The following EYS variants were observed in gnomAD, a reference collection of about 807,000 sequenced individuals.
EYS encodes the protein protein eyes shut homolog.
A neutral mutation model predicts 282.1 loss-of-function variants in EYS; 250 were observed. That is an observed-to-expected ratio of 0.89 (90% CI 0.80 to 0.98). The LOEUF is 0.98. EYS is among the 50% of genes least tolerant of loss of function. The probability of loss-of-function intolerance (pLI) is 0.00; values close to 1 mark genes in which losing one functional copy is unlikely to be tolerated. For synonymous variants in EYS, 1,355 were observed against 1,282.9 expected (o/e 1.06, Z -1.20); for missense variants, 4,016 against 3,709.0 (o/e 1.08, Z -2.15).
intron 28 of EYS, among the ~76,000 whole-genome samples, chr6:64,400,111 G>A (rs1016562701): frequency 6.6e-6 from 1 of 151,920 alleles, no homozygotes; most frequent in African/African-American, 2.4e-5. Context: ...ATTATTTATA[G>A]ATATATTGCA....
chr6:64,585,774 T>C (rs1766215905), intron 26 of EYS, among the ~76,000 whole-genome samples: 1 of 152,130 alleles, frequency 6.6e-6, no homozygotes, highest in Non-Finnish European at 1.5e-5. Context: ...CTTATTGCCC[T>C]TTCTATTCAA....
chr6:65,081,524 A>C (rs1774229915), intron 12 of EYS, among the ~76,000 whole-genome samples: 1 of 152,108 alleles, frequency 6.6e-6, no homozygotes, highest in Admixed American at 6.6e-5. Flanking sequence ...TATTTAAAGA[A>C]ATCATTCAAC....
intron 10 of EYS, among the ~76,000 whole-genome samples, chr6:65,341,152 T>C (rs1176207395): frequency 6.6e-6 from 1 of 151,200 alleles, no homozygotes; most frequent in Non-Finnish European, 1.5e-5. Context: ...TCAAGTGTTC[T>C]AAATAAGCGA....
At chr6:64,690,271 C>T (rs556802296) in intron 22 of EYS, among the ~76,000 whole-genome samples, 56 of 152,152 alleles carry the variant, frequency 3.7e-4, no homozygotes, top group African/African-American at 6.0e-4. Context: ...ATCAAAACCA[C>T]GACGAGATAC....
intron 2 of EYS, among the ~76,000 whole-genome samples, chr6:65,503,973 T>C (rs1243539318): frequency 6.6e-6 from 1 of 151,726 alleles, no homozygotes; most frequent in African/African-American, 2.4e-5. Flanking sequence ...ATAACCAGGG[T>C]GCCAATTTTG....
At chr6:64,655,230 G>C (rs1768703689) in intron 22 of EYS, among the ~76,000 whole-genome samples, 1 of 152,046 alleles carries the variant, frequency 6.6e-6, no homozygotes, top group African/African-American at 2.4e-5. Flanking sequence ...GTTACATTAA[G>C]ACCTACAAGA....
intron 1 of EYS, among the ~76,000 whole-genome samples, chr6:65,705,449 G>C (rs1333692777): frequency 1.3e-5 from 2 of 152,178 alleles, no homozygotes; most frequent in East Asian, 3.8e-4. Flanking sequence ...TACAGAAGGG[G>C]AAAGTGGAAC....
intron 31 of EYS, among the ~76,000 whole-genome samples, chr6:64,088,506 A>C (rs148483840): frequency 6.9e-4 from 105 of 152,162 alleles, no homozygotes; most frequent in African/African-American, 2.4e-3. Context: ...GGAACATCTA[A>C]TAAATCAAGA....
intron 2 of EYS, among the ~76,000 whole-genome samples, chr6:65,530,206 A>G (rs1437477370): frequency 6.6e-6 from 1 of 152,146 alleles, no homozygotes; most frequent in African/African-American, 2.4e-5. Flanking sequence ...AAATGGGAAG[A>G]TATTCCCAAT....
intron 5 of EYS, among the ~76,000 whole-genome samples, chr6:65,447,419 G>A (rs1768715055): frequency 1.4e-5 from 2 of 147,434 alleles, no homozygotes; most frequent in African/African-American, 4.9e-5. Context: ...TAAATTTACT[G>A]TACTGAGTCA....
At chr6:65,120,167 C>CAA (rs1448265867) in intron 12 of EYS, among the ~76,000 whole-genome samples, 2 of 126,022 alleles carry the variant, frequency 1.6e-5, no homozygotes, top group East Asian at 4.3e-4. Context: ...AAAAAAAAAA[C>CAA]AAAAACAAAT....
chr6:64,792,516 G>T (rs1193019178), intron 22 of EYS, among the ~76,000 whole-genome samples: 4 of 151,968 alleles, frequency 2.6e-5, no homozygotes, highest in Admixed American at 2.6e-4. Context: ...GTACCAAGCT[G>T]TGAAGAGTTA....
In EYS at chr6:63,720,639, CCTT is replaced by C. The variant is rs1481556651; in HGVS notation, c.9389_9391del (p.Glu3130del). ...TTCATCTCCATCATAAACATTGTAT[CCTT>C]CTAATTTAATTAGTTCAATGTTTTT... is the stretch of plus-strand genomic sequence containing the variant. On this transcript the variant is annotated inframe_deletion, in exon 43 of 43. Transcript: ENST00000503581. 15 of 1,521,294 alleles carry C rather than the reference CCTT, an allele frequency of 9.9e-6. No individual in the cohort carries two copies. Among genetic ancestry groups the C allele is most frequent in the Admixed American group, 2.1e-5 (1 of 46,746 alleles). The allele number at this position is 1,521,294 out of a possible 1,614,324, so 94.2% of individuals were successfully genotyped here. A position where few individuals can be genotyped will look rare whatever the true frequency, so the allele number is the denominator to read the frequency against.
chr6:65,055,950 C>G (rs1773399782), intron 13 of EYS, among the ~76,000 whole-genome samples: 1 of 152,050 alleles, frequency 6.6e-6, no homozygotes, highest in South Asian at 2.1e-4. Context: ...AAGCCAGTCA[C>G]TATCTGCTGT....
At chr6:63,860,799 T>G (rs887202899) in intron 36 of EYS, among the ~76,000 whole-genome samples, 18 of 152,150 alleles carry the variant, frequency 1.2e-4, no homozygotes, top group Admixed American at 5.2e-4. Context: ...GAGAGGAGTG[T>G]TTGTCAGGGT....
intron 13 of EYS, among the ~76,000 whole-genome samples, chr6:65,029,602 A>C (rs1236445053): frequency 6.6e-6 from 1 of 152,012 alleles, no homozygotes; most frequent in African/African-American, 2.4e-5. Flanking sequence ...CCAAGACAGC[A>C]AGACCAACCT....
intron 5 of EYS, among the ~76,000 whole-genome samples, chr6:65,424,055 G>T (rs1767570843): frequency 6.6e-6 from 1 of 151,714 alleles, no homozygotes; most frequent in Non-Finnish European, 1.5e-5. Flanking sequence ...TTCCTTCCAG[G>T]TTTCTAAGGT....
chr6:64,230,457 T>G, intron 31 of EYS, 135 bp downstream of exon 31: 1 of 514,410 alleles, frequency 1.9e-6, no homozygotes, highest in Non-Finnish European at 3.3e-6. Context: ...CAGAATTCAT[T>G]TTTAAATAAA....
chr6:65,387,470 C>T (rs1172163293), intron 7 of EYS, among the ~76,000 whole-genome samples: 2 of 150,062 alleles, frequency 1.3e-5, no homozygotes, highest in African/African-American at 2.4e-5. Flanking sequence ...TAAGAAAAGC[C>T]CATAAATTTA....
Sources: allele counts gnomAD v4.1 joint callset (sites outside exome capture counted in the v4.1 genomes callset), GRCh38; gene constraint gnomAD v4.1.1; transcripts MANE v1.5; gene names NCBI Gene and HGNC (gene_info 2026-07-23, HGNC 2026-07-21).